Variants in KCNIP1 observed in about 807,000 individuals in gnomAD.
The protein encoded by KCNIP1 is potassium voltage-gated channel interacting protein 1, also known as A-type potassium channel modulatory protein KCNIP1.
KCNIP1 carries 18 observed loss-of-function variants against 33.0 expected under a neutral mutation model. The observed-to-expected ratio is 0.55, with a 90% CI of 0.38 to 0.81. The LOEUF (loss-of-function observed/expected upper bound fraction) is 0.81, where lower values mean the gene tolerates loss of function less well. KCNIP1 is among the 30% of genes least tolerant of loss of function. The pLI is 0.00. For synonymous variants in KCNIP1, 93 were observed against 98.3 expected (o/e 0.95, Z 0.32); for missense variants, 238 against 271.6 (o/e 0.88, Z 0.87).
intron 1 of KCNIP1, among the ~76,000 whole-genome samples, chr5:170,682,840 G>T (rs1388273232): frequency 7.9e-6 from 1 of 125,824 alleles, no homozygotes; most frequent in Non-Finnish European, 1.6e-5. Context: ...TGTTGGCCAG[G>T]CTGGTCTCAA....
At chr5:170,554,838 C>T (rs998092402) in intron 1 of KCNIP1, among the ~76,000 whole-genome samples, 1 of 152,096 alleles carries the variant, frequency 6.6e-6, no homozygotes, top group African/African-American at 2.4e-5. Flanking sequence ...CTTTGCTCTG[C>T]ACCACCCAGA....
At chr5:170,420,444 A>T (rs1755453080) in intron 1 of KCNIP1, 1 of 151,948 alleles carries the variant, frequency 6.6e-6, no homozygotes, top group African/African-American at 2.4e-5. Context: ...GAGGCAGGAG[A>T]ATCACTTGAA....
At chr5:170,695,091 T>C (rs1241482821) in intron 1 of KCNIP1, among the ~76,000 whole-genome samples, 2 of 152,206 alleles carry the variant, frequency 1.3e-5, no homozygotes, top group African/African-American at 4.8e-5. Context: ...ACAGCATGGT[T>C]CCACCATCCA....
chr5:170,546,462 G>T (rs1756412683), intron 1 of KCNIP1, among the ~76,000 whole-genome samples: 1 of 152,108 alleles, frequency 6.6e-6, no homozygotes, highest in Non-Finnish European at 1.5e-5. Context: ...AATCCATCAT[G>T]CCAGCCCTGC....
At chr5:170,416,734 C>G (rs892914276) in intron 1 of KCNIP1, among the ~76,000 whole-genome samples, 1 of 151,916 alleles carries the variant, frequency 6.6e-6, no homozygotes, top group Non-Finnish European at 1.5e-5. Context: ...AGCTCACTGC[C>G]AGCACTCATT....
chr5:170,661,800 G>A (rs1309524517), intron 1 of KCNIP1, among the ~76,000 whole-genome samples: 7 of 152,168 alleles, frequency 4.6e-5, no homozygotes, highest in Non-Finnish European at 1.0e-4. Context: ...ATTAGATATC[G>A]ATGCTGTGCT....
intron 1 of KCNIP1, among the ~76,000 whole-genome samples, chr5:170,456,701 T>TTTTCTTTCTC (rs1756387125): frequency 7.4e-6 from 1 of 135,680 alleles, no homozygotes; most frequent in East Asian, 2.2e-4. Context: ...CTCTCTCTCT[T>TTTTCTTTCTC]TTTCTTTCTT....
At chr5:170,667,938 T>C (rs879733004) in intron 1 of KCNIP1, among the ~76,000 whole-genome samples, 1 of 152,230 alleles carries the variant, frequency 6.6e-6, no homozygotes, top group Non-Finnish European at 1.5e-5. Flanking sequence ...CTCATGTAAC[T>C]GAACTTCAAC....
At chr5:170,568,648 T>TAAAAAA (rs33992187) in intron 1 of KCNIP1, among the ~76,000 whole-genome samples, 738 of 43,672 alleles carry the variant, frequency 0.017, 73 homozygotes, top group Middle Eastern at 0.077. Flanking sequence ...CCGTTTCTAC[T>TAAAAAA]AAAAAAAAAA....
At chr5:170,495,082 C>A (rs760979933) in intron 1 of KCNIP1, among the ~76,000 whole-genome samples, 1 of 152,202 alleles carries the variant, frequency 6.6e-6, no homozygotes, top group African/African-American at 2.4e-5. Flanking sequence ...ACTCCAAGTT[C>A]CCATTCCTCT....
intron 1 of KCNIP1, among the ~76,000 whole-genome samples, chr5:170,474,525 A>G (rs928026412): frequency 5.3e-5 from 8 of 152,256 alleles, no homozygotes; most frequent in Non-Finnish European, 1.2e-4. Flanking sequence ...GGATTGGTCT[A>G]TGAGAGAAGT....
At chr5:170,449,436 C>A (rs1756193513) in intron 1 of KCNIP1, among the ~76,000 whole-genome samples, 1 of 152,218 alleles carries the variant, frequency 6.6e-6, no homozygotes, top group Non-Finnish European at 1.5e-5. Context: ...ATGTGCAGGG[C>A]AGAGCCTGGC....
chr5:170,551,893 CGAGTGTGT>C (rs1457727145), intron 1 of KCNIP1, among the ~76,000 whole-genome samples: 2 of 150,486 alleles, frequency 1.3e-5, no homozygotes, highest in Admixed American at 1.3e-4. Context: ...TGAATGTGTA[CGAGTGTGT>C]GAGTGTGTGT....
At chr5:170,594,677 G>GT (rs1490651454) in intron 1 of KCNIP1, among the ~76,000 whole-genome samples, 1 of 151,964 alleles carries the variant, frequency 6.6e-6, no homozygotes, top group East Asian at 1.9e-4. Flanking sequence ...CACCCAACTA[G>GT]TTTTTGTATT....
At chr5:170,641,735 CCTGCT>C (rs1760571100) in intron 1 of KCNIP1, among the ~76,000 whole-genome samples, 1 of 152,188 alleles carries the variant, frequency 6.6e-6, no homozygotes, top group Non-Finnish European at 1.5e-5. Context: ...CACTGGGCTG[CCTGCT>C]CCAAGGGAGG....
intron 1 of KCNIP1, among the ~76,000 whole-genome samples, chr5:170,381,601 G>C (rs1410706202): frequency 2.4e-4 from 37 of 152,196 alleles, no homozygotes; most frequent in Non-Finnish European, 4.6e-4. Context: ...CCCAGCTCCT[G>C]CAGCCTGCTA....
At chr5:170,731,594 C>T (rs1022744209) in intron 5 of KCNIP1, among the ~76,000 whole-genome samples, 1 of 151,352 alleles carries the variant, frequency 6.6e-6, no homozygotes, top group Non-Finnish European at 1.5e-5. Flanking sequence ...ACTTGAGAGG[C>T]TGAGGCGGGA....
intron 1 of KCNIP1, among the ~76,000 whole-genome samples, chr5:170,585,393 G>T (rs560604183): frequency 1.8e-4 from 27 of 152,176 alleles, no homozygotes; most frequent in African/African-American, 6.3e-4. Context: ...GTGAGCCACA[G>T]AACTTACCAT....
At chr5:170,390,514 AC>A (rs201883910) in intron 1 of KCNIP1, among the ~76,000 whole-genome samples, 27,611 of 74,340 alleles carry the variant, frequency 0.37, 5,207 homozygotes, top group Non-Finnish European at 0.42. Flanking sequence ...AAAAAAAAAA[AC>A]AAATATATAT....
Sources: allele counts gnomAD v4.1 joint callset (sites outside exome capture counted in the v4.1 genomes callset), GRCh38; gene constraint gnomAD v4.1.1; transcripts MANE v1.5; gene names NCBI Gene and HGNC (gene_info 2026-07-23, HGNC 2026-07-21).